Variants in PPIL2 observed in about 807,000 individuals in gnomAD.
PPIL2 encodes peptidylprolyl isomerase like 2, also known as RING-type E3 ubiquitin-protein ligase PPIL2.
Under a neutral mutation model 75.2 loss-of-function variants are expected in PPIL2, and 50 were observed. That is an observed-to-expected ratio of 0.66 (90% CI 0.53 to 0.84). The LOEUF (loss-of-function observed/expected upper bound fraction) is 0.84, where lower values mean the gene tolerates loss of function less well. Ranked by LOEUF, PPIL2 falls within the 40% of genes least tolerant of loss-of-function variation. The pLI is 0.00. For synonymous variants in PPIL2, 245 were observed against 258.8 expected (o/e 0.95, Z 0.51); for missense variants, 590 against 685.0 (o/e 0.86, Z 1.55).
chr22:21,678,953 A>G (rs1312238535), intron 6 of PPIL2, among the ~76,000 whole-genome samples: 2 of 147,972 alleles, frequency 1.4e-5, no homozygotes, highest in Non-Finnish European at 3.0e-5. Context: ...CTGGAGTGCA[A>G]TGGCGTGATC....
At position 21,682,984 on chromosome 22, in the gene PPIL2, C is replaced by T. The variant is rs563923385; in HGVS notation, c.478-198C>T. 1.9e-4 allele frequency among the ~76,000 whole-genome samples: 29 copies of T among 152,316 alleles called. No individual in the cohort carries two copies. The South Asian group carries it at 6.0e-3, about 32-fold the overall frequency. ...GCCAGCAGCTAGCGAGGCTGCGTCC[C>T]CGTCCCTGCCCCTGCCCCTGTTTGC... is the stretch of plus-strand genomic sequence containing the variant. On this transcript the variant is annotated intron_variant, in intron 8 of 19. Transcript: ENST00000398831.
At chr22:21,670,684 G>T (rs1354025573) in intron 3 of PPIL2, 73 bp downstream of exon 3, 1 of 1,468,762 alleles carries the variant, frequency 6.8e-7, no homozygotes, top group Non-Finnish European at 9.5e-7. Flanking sequence ...TCTGCCCCTT[G>T]TGGATGTGGG....
At position 21,666,399 on chromosome 22, in the gene PPIL2, C is replaced by G. The variant is rs372798119; in HGVS notation, c.32+268C>G. 2.0e-5 allele frequency among the ~76,000 whole-genome samples: 3 copies of G among 152,220 alleles called. No homozygotes were observed. In the South Asian group the frequency reaches 6.2e-4, roughly 32 times the overall value. On this transcript the variant is annotated intron_variant, in intron 1 of 19. Coordinates refer to ENST00000398831, the MANE Select transcript of PPIL2 (RefSeq NM_014337.4). ...CTCTGGTTCTGCCCGGACCGTCCCC[C>G]GTCTGTTCGCGAGTTTCGCCCTTGA... is the stretch of plus-strand genomic sequence containing the variant.
chr22:21,687,622 A>C, intron 12 of PPIL2, 21 bp from the exon 13 acceptor site: 1 of 1,589,138 alleles, frequency 6.3e-7, no homozygotes, highest in Non-Finnish European at 8.6e-7. Flanking sequence ...GCTTCATACA[A>C]GTATTGGGGC....
intron 12 of PPIL2, 74 bp downstream of exon 12, chr22:21,687,072 T>C (rs1431597563): frequency 7.4e-7 from 1 of 1,355,742 alleles, no homozygotes; most frequent in Non-Finnish European, 1.1e-6. Context: ...GTCTTAAATA[T>C]AGGGCTGCCA....
At chr22:21,667,152 ATTTTTTTTTT>A (rs747410460) in intron 1 of PPIL2, among the ~76,000 whole-genome samples, 1 of 106,554 alleles carries the variant, frequency 9.4e-6, no homozygotes, top group South Asian at 3.1e-4. Context: ...CTCAGTCCTC[ATTTTTTTTTT>A]TTTTTTTTTT....
chr22:21,684,624 G>A, intron 9 of PPIL2, 129 bp from the exon 10 acceptor site: 1 of 1,180,888 alleles, frequency 8.5e-7, no homozygotes. Flanking sequence ...GGCATTCTGT[G>A]GCTGGCAGTG....
At chr22:21,671,243 T>C (rs1488281633) in intron 4 of PPIL2, among the ~76,000 whole-genome samples, 184 bp downstream of exon 4, 12 of 152,208 alleles carry the variant, frequency 7.9e-5, no homozygotes, top group African/African-American at 1.2e-4. Flanking sequence ...CAGGTACTGC[T>C]GTCACTGCCT....
At chr22:21,689,307 A>G (rs372108) in intron 15 of PPIL2, among the ~76,000 whole-genome samples, 149,393 of 152,328 alleles carry the variant, frequency 0.98, 73,341 homozygotes, top group African/African-American at 1. Flanking sequence ...AGGGCCATGC[A>G]CACAGGGGCC....
intron 9 of PPIL2, 33 bp downstream of exon 9, chr22:21,683,290 G>C: frequency 6.4e-7 from 1 of 1,568,292 alleles, no homozygotes; most frequent in South Asian, 1.1e-5. Context: ...CTAGGCGAGG[G>C]GGCTTTTGGA....
chr22:21,677,392 T>G (rs1188193226), intron 6 of PPIL2, among the ~76,000 whole-genome samples: 1 of 152,182 alleles, frequency 6.6e-6, no homozygotes. Context: ...GCCACTGCAC[T>G]CCAGCCTGGG....
intron 1 of PPIL2, among the ~76,000 whole-genome samples, chr22:21,667,310 C>T (rs2066431331): frequency 6.6e-6 from 1 of 152,100 alleles, no homozygotes; most frequent in East Asian, 1.9e-4. Context: ...GCATACGCCA[C>T]CATGCCCAGC....
At chr22:21,694,571 C>T (rs781378556) in intron 16 of PPIL2, 22 bp from the exon 17 acceptor site, 4 of 1,613,584 alleles carry the variant, frequency 2.5e-6, no homozygotes, top group South Asian at 1.1e-5. Context: ...CACGCAGACC[C>T]ACCTCTGTCT....
rs757443590 is a variant in PPIL2, at chr22:21,696,886, C to T, written c.*1396C>T. 10 of 1,591,294 alleles carry T rather than the reference C, an allele frequency of 6.3e-6. No individual in the cohort carries two copies. The highest frequency in any genetic ancestry group is 1.3e-5 in the African/African-American group (1 of 74,398). On this transcript the variant is annotated 3_prime_UTR_variant, in exon 20 of 20. Transcript: ENST00000398831. ...GCCTCACCCCATCCACTGCCACAGG[C>T]TGCCTGATGACCACTAGAGGTATGT...
intron 11 of PPIL2, 37 bp from the exon 12 acceptor site, chr22:21,686,855 G>C (rs1331582484): frequency 6.3e-7 from 1 of 1,578,562 alleles, no homozygotes; most frequent in African/African-American, 1.3e-5. Context: ...CTGCCCCAGG[G>C]TGAGGGCAGG....
intron 7 of PPIL2, among the ~76,000 whole-genome samples, chr22:21,681,933 G>A (rs773845546): frequency 2.6e-5 from 4 of 152,246 alleles, no homozygotes; most frequent in East Asian, 1.9e-4. Context: ...GCACCTGGAC[G>A]TTTGTGGGGT....
intron 15 of PPIL2, among the ~76,000 whole-genome samples, chr22:21,690,955 CTCTTT>C (rs2067596360): frequency 8.9e-5 from 10 of 112,130 alleles, no homozygotes; most frequent in African/African-American, 3.4e-4. Context: ...TTGCCACCTT[CTCTTT>C]TTTTTTTTTT....
chr22:21,693,965 C>T (rs2067797346), intron 16 of PPIL2, 93 bp downstream of exon 16: 1 of 1,332,406 alleles, frequency 7.5e-7, no homozygotes, highest in African/African-American at 1.4e-5. Context: ...TTTCGTGGAC[C>T]TGAGTCATGT....
At chr22:21,669,275 G>A in intron 1 of PPIL2, 1 of 358,150 alleles carries the variant, frequency 2.8e-6, no homozygotes, top group Non-Finnish European at 5.9e-6. Context: ...AGTCTTTGGA[G>A]TAGCTGGGAC....
Sources: gnomAD v4.1 joint callset for allele counts (sites outside exome capture counted in the v4.1 genomes callset) on GRCh38, gnomAD v4.1.1 for gene constraint, MANE v1.5 for transcripts, NCBI Gene and HGNC (gene_info 2026-07-23, HGNC 2026-07-21) for gene names.